ANKRD46: variants seen among roughly 807,000 people sequenced by gnomAD.
ANKRD46 encodes ankyrin repeat domain-containing protein 46.
Under a neutral mutation model 19.8 loss-of-function variants are expected in ANKRD46, and 13 were observed. The observed-to-expected ratio is 0.66, with a 90% CI of 0.43 to 1.04. The LOEUF (loss-of-function observed/expected upper bound fraction) is 1.04. Ranked by LOEUF, ANKRD46 falls within the 50% of genes least tolerant of loss-of-function variation. The pLI is 0.00. For missense variants in ANKRD46, 185 were observed against 274.8 expected (o/e 0.67, Z 2.31); for synonymous variants, 91 against 106.9 (o/e 0.85, Z 0.92).
chr8:100,534,860 G>A lies in ANKRD46; in HGVS notation c.-130-1549C>T, dbSNP rs1042561024. ...TCTCGACTCACCTGCAGAGGCCTCC[G>A]CGTTCAAGCAATTATCCTGCCTCAG... On this transcript the variant is annotated intron_variant, in intron 1 of 4. Transcript: ENST00000335659. This position sits in a 1 kb window ranked among gnomAD's most constrained non-coding sequence, Gnocchi z 4.2. Among the ~76,000 whole-genome samples, 12 of 152,106 alleles carry A rather than the reference G, an allele frequency of 7.9e-5. No individual in the cohort carries two copies. The highest frequency in any genetic ancestry group is 2.4e-4 in the African/African-American group (10 of 41,414).
Position 100,544,322 on chromosome 8 carries a change from A to G in ANKRD46, c.-130-11011T>C, listed in dbSNP as rs551386304. On this transcript the variant is annotated intron_variant, in intron 1 of 4. Coordinates refer to ENST00000335659, the MANE Select transcript of ANKRD46 (RefSeq NM_001270377.2). The surrounding 1 kb of genome is among the most constrained non-coding windows in gnomAD (Gnocchi z 4.4). ...GGACATAAAGAAGCAAGGACAAAGA[A>G]CATAAGCCTAAAGTTGGGGAGGGGC... Among the ~76,000 whole-genome samples the G allele has an allele frequency of 6.6e-5, 10 of 152,344 alleles. 1 individual carries two copies. The highest frequency in any genetic ancestry group is 5.8e-4 in the East Asian group (3 of 5,192).
At chr8:100,548,289 C>T (rs1275307408) in intron 1 of ANKRD46, among the ~76,000 whole-genome samples, 1 of 152,080 alleles carries the variant, frequency 6.6e-6, no homozygotes, top group East Asian at 1.9e-4. Context: ...TCATCTTTAA[C>T]CATTCCCCCT....
At position 100,522,128 on chromosome 8, in the gene ANKRD46, T is replaced by C. The variant is rs1377108992; in HGVS notation, c.*427A>G. ...CTAGAGAAAGTAAATAAAAAGTGGC[T>C]CTTGCAAAAATAAATGAAAACAAAA... On this transcript the variant is annotated 3_prime_UTR_variant, in exon 5 of 5. Coordinates refer to ENST00000335659, the MANE Select transcript of ANKRD46 (RefSeq NM_001270377.2). 1 of 990,682 alleles carries C rather than the reference T, an allele frequency of 1.0e-6. No individual in the cohort carries two copies. The highest frequency in any genetic ancestry group is 1.2e-6 in the Non-Finnish European group (1 of 832,906). 61.4% of individuals were successfully genotyped at this position (990,682 alleles called of 1,614,324 possible).
chr8:100,528,561 CAT>C (rs1225174560), intron 3 of ANKRD46, among the ~76,000 whole-genome samples: 1 of 142,650 alleles, frequency 7.0e-6, no homozygotes, highest in African/African-American at 2.6e-5. Flanking sequence ...AAAAAGAGAA[CAT>C]ATAGTCAAAA....
chr8:100,520,759 A>AAAT, downstream of ANKRD46: 3 of 955,918 alleles, frequency 3.1e-6, no homozygotes, highest in South Asian at 4.9e-5. Flanking sequence ...AAAAAAAAAA[A>AAAT]GAGAAATCGT....
At chr8:100,554,097 G>A (rs2130709578) in intron 1 of ANKRD46, among the ~76,000 whole-genome samples, 1 of 152,300 alleles carries the variant, frequency 6.6e-6, no homozygotes, top group African/African-American at 2.4e-5. Flanking sequence ...TGTGTTTAAG[G>A]CAACATGAGA....
downstream of ANKRD46, among the ~76,000 whole-genome samples, chr8:100,519,420 T>G (rs892887641): frequency 6.6e-6 from 1 of 152,222 alleles, no homozygotes; most frequent in Admixed American, 6.5e-5. Flanking sequence ...ACAAGGGAAC[T>G]GGGCTAAAGA....
rs1019875913 is a variant in ANKRD46, at chr8:100,543,140, T to C, written c.-130-9829A>G. Among the ~76,000 whole-genome samples the C allele has an allele frequency of 3.3e-5, 5 of 152,156 alleles. No homozygotes were observed. The highest frequency in any genetic ancestry group is 5.9e-5 in the Non-Finnish European group (4 of 68,032). ...CCATTGTGACTAACATGGGAAAGAATTGTCAAAGACTATGGATCTTAAGTT... is the reference window on the plus strand; with the variant it reads ...CCATTGTGACTAACATGGGAAAGAACTGTCAAAGACTATGGATCTTAAGTT... On this transcript the variant is annotated intron_variant, in intron 1 of 4. Transcript: ENST00000335659. This position sits in a 1 kb window ranked among gnomAD's most constrained non-coding sequence, Gnocchi z 4.2.
chr8:100,544,801 A>G lies in ANKRD46; in HGVS notation c.-130-11490T>C, dbSNP rs140469712. On this transcript the variant is annotated intron_variant, in intron 1 of 4. Transcript: ENST00000335659. This position sits in a 1 kb window ranked among gnomAD's most constrained non-coding sequence, Gnocchi z 4.4. Reference sequence around the variant, plus strand: ...TATAAGATGCTATATATTTTTTCTTAGTTTCTTATTCCACATCTTGGTAAC... The same window carrying G: ...TATAAGATGCTATATATTTTTTCTTGGTTTCTTATTCCACATCTTGGTAAC... 3.5e-3 allele frequency among the ~76,000 whole-genome samples: 532 copies of G among 152,238 alleles called. 3 individuals are homozygous for G. Among genetic ancestry groups the G allele is most frequent in the African/African-American group, 0.011 (445 of 41,564 alleles).
intron 4 of ANKRD46, among the ~76,000 whole-genome samples, chr8:100,526,771 T>G (rs1811851087): frequency 6.6e-6 from 1 of 152,122 alleles, no homozygotes; most frequent in South Asian, 2.1e-4. Flanking sequence ...AGGAATCAAA[T>G]GAAGGGTAAG....
intron 1 of ANKRD46, among the ~76,000 whole-genome samples, chr8:100,540,467 G>A (rs1442650020): frequency 2.6e-5 from 4 of 152,088 alleles, no homozygotes; most frequent in Admixed American, 1.3e-4. Flanking sequence ...TAAAGTATGG[G>A]AAAATAACAA....
chr8:100,551,262 C>G, intron 1 of ANKRD46: 1 of 487,116 alleles, frequency 2.1e-6, no homozygotes, highest in Admixed American at 2.7e-5. Flanking sequence ...GTTGGTGGTA[C>G]AGAAGGCATT....
Position 100,543,825 on chromosome 8 carries a change from CT to C in ANKRD46, c.-130-10515del. Among the ~76,000 whole-genome samples the C allele has an allele frequency of 6.6e-6, 1 of 152,276 alleles. No homozygotes were observed. Among genetic ancestry groups the C allele is most frequent in the South Asian group, 2.1e-4 (1 of 4,832 alleles). On this transcript the variant is annotated intron_variant, in intron 1 of 4. Transcript: ENST00000335659. The surrounding 1 kb of genome is among the most constrained non-coding windows in gnomAD (Gnocchi z 4.2). ...TATCTGCATGTCTTCTTCAGTGATA[CT>C]ATCAAAATAAATCTATTCCAAATAC...
downstream of ANKRD46, among the ~76,000 whole-genome samples, chr8:100,515,980 C>G (rs1162624075): frequency 6.6e-6 from 1 of 151,652 alleles, no homozygotes; most frequent in Non-Finnish European, 1.5e-5. Flanking sequence ...TCAAGCAATT[C>G]TCCTGCCTCA....
intron 1 of ANKRD46, chr8:100,551,357 G>A: frequency 1.7e-6 from 1 of 583,288 alleles, no homozygotes; most frequent in Non-Finnish European, 3.2e-6. Context: ...GGGTAGAGAT[G>A]ATGACCCTTT....
In ANKRD46 at chr8:100,545,140, C is replaced by T. The variant is rs964953600; in HGVS notation, c.-130-11829G>A. On this transcript the variant is annotated intron_variant, in intron 1 of 4. Coordinates refer to ENST00000335659, the MANE Select transcript of ANKRD46 (RefSeq NM_001270377.2). This position sits in a 1 kb window ranked among gnomAD's most constrained non-coding sequence, Gnocchi z 4.7. ...AGGCATTCGAGACAAGCCTGGGCAACACAGTGAGACCTTGTCTCTAAAATA... is the reference window on the plus strand; with the variant it reads ...AGGCATTCGAGACAAGCCTGGGCAATACAGTGAGACCTTGTCTCTAAAATA... 6.6e-6 allele frequency among the ~76,000 whole-genome samples: 1 copy of T among 152,148 alleles called. No individual in the cohort carries two copies. The highest frequency in any genetic ancestry group is 2.4e-5 in the African/African-American group (1 of 41,422).
chr8:100,512,565 C>T (rs1811564381), intron 5 of ANKRD46, among the ~76,000 whole-genome samples: 1 of 152,114 alleles, frequency 6.6e-6, no homozygotes, highest in South Asian at 2.1e-4. Flanking sequence ...TGTAATTAGG[C>T]AAGATGATGT....
rs1475925240 is a variant in ANKRD46, at chr8:100,522,384, A to G, written c.*171T>C. On this transcript the variant is annotated 3_prime_UTR_variant, in exon 5 of 5. Coordinates refer to ENST00000335659, the MANE Select transcript of ANKRD46 (RefSeq NM_001270377.2). ...TGCAATATACTTGATCATAGTATGTAGTTAGTTCAAATGAACACATCATTA... is the reference window on the plus strand; with the variant it reads ...TGCAATATACTTGATCATAGTATGTGGTTAGTTCAAATGAACACATCATTA... The G allele has an allele frequency of 7.0e-7, 1 of 1,430,752 alleles. No homozygotes were observed. The highest frequency in any genetic ancestry group is 1.4e-5 in the African/African-American group (1 of 69,726). The allele number at this position is 1,430,752 out of a possible 1,614,324, so 88.6% of individuals were successfully genotyped here. A position where few individuals can be genotyped will look rare whatever the true frequency, so the allele number is the denominator to read the frequency against.
At chr8:100,526,371 T>C (rs1811842947) in intron 4 of ANKRD46, among the ~76,000 whole-genome samples, 1 of 152,204 alleles carries the variant, frequency 6.6e-6, no homozygotes, top group Non-Finnish European at 1.5e-5. Flanking sequence ...TTTTTCATGG[T>C]AAAGAAGCTT....
Sources: gnomAD v4.1 joint callset for allele counts (sites outside exome capture counted in the v4.1 genomes callset) on GRCh38, gnomAD v4.1.1 for gene constraint, Gnocchi (gnomAD v3.1) non-coding constraint, MANE v1.5 for transcripts, NCBI Gene and HGNC (gene_info 2026-07-23, HGNC 2026-07-21) for gene names.